Variants in CCNY observed in about 807,000 individuals in gnomAD.
CCNY encodes cyclin-Y.
In CCNY, 19 loss-of-function variants were observed where a neutral mutation model predicts 42.8. The ratio of observed to expected loss-of-function variants is 0.44; its 90% confidence interval spans 0.31 to 0.65. CCNY has a LOEUF of 0.65. CCNY is among the 30% of genes least tolerant of loss of function. The pLI is 0.07. For synonymous variants in CCNY, 165 were observed against 162.7 expected (o/e 1.01, Z -0.11); for missense variants, 370 against 437.3 (o/e 0.85, Z 1.37).
At chr10:35,509,263 G>GC (rs1840273911) in intron 3 of CCNY, among the ~76,000 whole-genome samples, 1 of 151,828 alleles carries the variant, frequency 6.6e-6, no homozygotes, top group African/African-American at 2.4e-5. Context: ...CCTGCTAAAA[G>GC]CTGTACCCTT....
intron 3 of CCNY, chr10:35,315,142 G>A (rs184734078): frequency 2.0e-5 from 3 of 152,316 alleles, no homozygotes; most frequent in Admixed American, 6.5e-5. Flanking sequence ...GGATACATGT[G>A]CAGGTTTGTT....
At chr10:35,309,105 CAA>C (rs1353545209) in intron 3 of CCNY, among the ~76,000 whole-genome samples, 1 of 152,052 alleles carries the variant, frequency 6.6e-6, no homozygotes, top group African/African-American at 2.4e-5. Context: ...AGCCTGGAGA[CAA>C]AGATTTGAGA....
At chr10:35,295,324 C>T (rs879897533) in intron 3 of CCNY, among the ~76,000 whole-genome samples, 2 of 151,734 alleles carry the variant, frequency 1.3e-5, no homozygotes, top group South Asian at 2.1e-4. Context: ...CTCTGCCTCC[C>T]GGGTTCAAGC....
intron 3 of CCNY, among the ~76,000 whole-genome samples, chr10:35,254,714 G>C (rs2095714244): frequency 6.6e-6 from 1 of 151,506 alleles, no homozygotes; most frequent in Non-Finnish European, 1.5e-5. Flanking sequence ...TGTAGTCCCA[G>C]CTACTCGGGA....
intron 1 of CCNY, among the ~76,000 whole-genome samples, chr10:35,447,809 G>C (rs1182314685): frequency 6.6e-6 from 1 of 152,050 alleles, no homozygotes; most frequent in African/African-American, 2.4e-5. Flanking sequence ...GTTTGTGCTT[G>C]GTCTGGAATT....
chr10:35,568,973 G>GT, intron 9 of CCNY, 81 bp from the exon 10 acceptor site: 1 of 891,170 alleles, frequency 1.1e-6, no homozygotes, highest in Non-Finnish European at 1.9e-6. Flanking sequence ...CCCTCATGCA[G>GT]CGCCCTCGGC....
chr10:35,552,896 T>C (rs1841289027), intron 7 of CCNY, 123 bp from the exon 8 acceptor site: 1 of 1,018,494 alleles, frequency 9.8e-7, no homozygotes, highest in South Asian at 1.6e-5. Context: ...TAAAAATAAA[T>C]GTGATTGGGT....
At chr10:35,546,464 A>T (rs1451081471) in intron 7 of CCNY, among the ~76,000 whole-genome samples, 1 of 152,210 alleles carries the variant, frequency 6.6e-6, no homozygotes, top group Admixed American at 6.5e-5. Context: ...ACTGAGTAAG[A>T]GTGACCTGTT....
intron 3 of CCNY, among the ~76,000 whole-genome samples, chr10:35,301,477 A>G (rs921631802): frequency 2.0e-5 from 3 of 152,188 alleles, no homozygotes; most frequent in African/African-American, 7.2e-5. Context: ...GTCCATGGCA[A>G]ACTGTGATAA....
intron 1 of CCNY, among the ~76,000 whole-genome samples, chr10:35,375,103 A>G (rs1372851766): frequency 6.6e-6 from 1 of 151,936 alleles, no homozygotes; most frequent in African/African-American, 2.4e-5. Flanking sequence ...TACTGTGTTA[A>G]TTTTCTATTG....
At position 35,422,195 on chromosome 10, in the gene CCNY, C is replaced by T. The variant is rs193086862; in HGVS notation, c.155-61209C>T. 2.0e-5 allele frequency among the ~76,000 whole-genome samples: 3 copies of T among 152,138 alleles called. No individual in the cohort carries two copies. The East Asian group carries it at 5.8e-4, about 29-fold the overall frequency. Reference sequence around the variant, plus strand: ...ATTTTTTTAAAATTTAAATTTAAAACCTACAGTCGTCAATAAAACATTATT... The same window carrying T: ...ATTTTTTTAAAATTTAAATTTAAAATCTACAGTCGTCAATAAAACATTATT... On this transcript the variant is annotated intron_variant, in intron 1 of 9. Transcript: ENST00000374704.
At chr10:35,456,384 A>G (rs1839035581) in intron 1 of CCNY, among the ~76,000 whole-genome samples, 1 of 152,224 alleles carries the variant, frequency 6.6e-6, no homozygotes, top group Non-Finnish European at 1.5e-5. Flanking sequence ...TCAGCTGTAT[A>G]AGTGAAATGG....
rs10558250 is a variant in CCNY, at chr10:35,412,860, C to CAAAAAAAAAAAAAA, written c.155-70529_155-70516dup. 6.6e-4 allele frequency among the ~76,000 whole-genome samples: 23 copies of CAAAAAAAAAAAAAA among 34,764 alleles called. 1 individual carries two copies. Among genetic ancestry groups the CAAAAAAAAAAAAAA allele is most frequent in the South Asian group, 1.5e-3 (1 of 654 alleles). The allele number at this position is 34,764 out of a possible 152,430, so 22.8% of individuals were successfully genotyped here. On this transcript the variant is annotated intron_variant, in intron 1 of 9. Coordinates refer to ENST00000374704, the MANE Select transcript of CCNY (RefSeq NM_145012.6). Reference sequence around the variant, plus strand: ...TGGGCGACAGAGCGAGACTCTGTCTCAAAAAAAAAAAAAAAAAAAAAAAAA... The same window carrying CAAAAAAAAAAAAAA: ...TGGGCGACAGAGCGAGACTCTGTCTCAAAAAAAAAAAAAAAAAAAAAAAAAAAAAAAAAAAAAAA...
At chr10:35,350,637 A>G (rs1836409459) in intron 1 of CCNY, among the ~76,000 whole-genome samples, 4 of 152,206 alleles carry the variant, frequency 2.6e-5, no homozygotes, top group Admixed American at 6.5e-5. Flanking sequence ...CTGGCATTCA[A>G]GGGCATCCTT....
Position 35,549,452 on chromosome 10 carries a change from A to C in CCNY, c.580-3567A>C, listed in dbSNP as rs951962994. 3.9e-4 allele frequency among the ~76,000 whole-genome samples: 47 copies of C among 119,090 alleles called. No individual in the cohort carries two copies. The East Asian group carries it at 4.2e-3, about 11-fold the overall frequency. The allele number at this position is 119,090 out of a possible 152,430, so 78.1% of individuals were successfully genotyped here. On this transcript the variant is annotated intron_variant, in intron 7 of 9. Coordinates refer to ENST00000374704, the MANE Select transcript of CCNY (RefSeq NM_145012.6). ...CTCGTGACCCTGCGCTGCTCATGAC[A>C]CATGACCCTACAGTGCTCGTGACCC...
chr10:35,375,325 C>G (rs1025422576), intron 1 of CCNY, among the ~76,000 whole-genome samples: 4 of 152,184 alleles, frequency 2.6e-5, no homozygotes, highest in Non-Finnish European at 4.4e-5. Flanking sequence ...GCTTCAGGCC[C>G]TTCCTCCATC....
chr10:35,545,483 G>A (rs948141496), intron 7 of CCNY, among the ~76,000 whole-genome samples: 1 of 152,158 alleles, frequency 6.6e-6, no homozygotes, highest in Non-Finnish European at 1.5e-5. Context: ...CTCACGCAGC[G>A]TTCTCCTGTG....
chr10:35,311,823 A>C (rs547794496), intron 3 of CCNY, among the ~76,000 whole-genome samples: 8 of 152,176 alleles, frequency 5.3e-5, no homozygotes, highest in Non-Finnish European at 7.4e-5. Context: ...CCCTCTCTAC[A>C]AAAAATTTAA....
chr10:35,358,725 C>T (rs1046345123), intron 1 of CCNY, among the ~76,000 whole-genome samples: 8 of 152,214 alleles, frequency 5.3e-5, no homozygotes, highest in Admixed American at 6.5e-5. Flanking sequence ...AAGATGCCAG[C>T]TTCCTGTAGT....
Sources: allele counts gnomAD v4.1 joint callset (sites outside exome capture counted in the v4.1 genomes callset), GRCh38; gene constraint gnomAD v4.1.1; transcripts MANE v1.5; gene names NCBI Gene and HGNC (gene_info 2026-07-23, HGNC 2026-07-21).